The following NUMB variants were observed in gnomAD, a reference collection of about 807,000 sequenced individuals.
The protein encoded by NUMB is protein numb homolog.
NUMB carries 29 observed loss-of-function variants against 59.7 expected under a neutral mutation model. The ratio of observed to expected loss-of-function variants is 0.49; its 90% confidence interval spans 0.36 to 0.66. The LOEUF is 0.66. NUMB is among the 30% of genes least tolerant of loss of function. The probability of loss-of-function intolerance (pLI) is 0.00; values close to 1 mark genes in which losing one functional copy is unlikely to be tolerated. For synonymous variants in NUMB, 288 were observed against 288.2 expected, an observed-to-expected ratio of 1.00 and a Z score of 0.01; for missense variants, 723 against 822.0, an observed-to-expected ratio of 0.88 and a Z score of 1.47.
intron 1 of NUMB, among the ~76,000 whole-genome samples, chr14:73,413,477 G>A (rs1896985148): frequency 6.6e-6 from 1 of 151,734 alleles, no homozygotes; most frequent in Non-Finnish European, 1.5e-5. Flanking sequence ...AAAAAATAAG[G>A]CGGGGCATGG....
intron 4 of NUMB, among the ~76,000 whole-genome samples, chr14:73,352,990 T>C (rs1893504602): frequency 6.6e-6 from 1 of 150,712 alleles, no homozygotes; most frequent in Non-Finnish European, 1.5e-5. Context: ...AAAATATTTA[T>C]TAAATACATA....
intron 2 of NUMB, among the ~76,000 whole-genome samples, chr14:73,407,099 T>A (rs1163402430): frequency 6.6e-6 from 1 of 151,372 alleles, no homozygotes; most frequent in African/African-American, 2.4e-5. Context: ...CACCTGGGCC[T>A]CCCAAGGTGC....
chr14:73,440,262 T>C (rs955170182), intron 1 of NUMB, among the ~76,000 whole-genome samples: 6 of 151,260 alleles, frequency 4.0e-5, no homozygotes, highest in Admixed American at 3.3e-4. Flanking sequence ...CATATATCTA[T>C]AGATATCCAT....
At chr14:73,451,381 G>A (rs1883959610) in intron 1 of NUMB, among the ~76,000 whole-genome samples, 1 of 149,504 alleles carries the variant, frequency 6.7e-6, no homozygotes, top group Non-Finnish European at 1.5e-5. Flanking sequence ...AGGTTGCAGT[G>A]AGCCAAGATT....
At chr14:73,353,217 T>A (rs1195754591) in intron 4 of NUMB, among the ~76,000 whole-genome samples, 3 of 150,956 alleles carry the variant, frequency 2.0e-5, no homozygotes, top group Non-Finnish European at 4.4e-5. Context: ...CCTGAGTAGC[T>A]GGGATTACAG....
chr14:73,320,645 G>A (rs960955355), intron 5 of NUMB, among the ~76,000 whole-genome samples: 3 of 152,164 alleles, frequency 2.0e-5, no homozygotes, highest in African/African-American at 7.2e-5. Context: ...TATGGTTATT[G>A]TAAGACTCAA....
intron 2 of NUMB, among the ~76,000 whole-genome samples, chr14:73,404,648 T>C (rs948128231): frequency 3.3e-5 from 5 of 152,196 alleles, no homozygotes; most frequent in Non-Finnish European, 7.4e-5. Flanking sequence ...TAATAAAAAG[T>C]TGGTGTTAAT....
At chr14:73,357,582 G>C (rs1159030982) in intron 3 of NUMB, among the ~76,000 whole-genome samples, 1 of 151,456 alleles carries the variant, frequency 6.6e-6, no homozygotes, top group Admixed American at 6.6e-5. Context: ...GGCCAACATG[G>C]TAAAACCCCG....
intron 1 of NUMB, chr14:73,457,912 G>GC: frequency 6.5e-6 from 1 of 152,732 alleles, no homozygotes; most frequent in South Asian, 2.1e-4. Context: ...CCTACTTGGA[G>GC]CAAGTCTGCT....
intron 2 of NUMB, among the ~76,000 whole-genome samples, chr14:73,381,876 G>C (rs1278028922): frequency 6.6e-6 from 1 of 151,748 alleles, no homozygotes; most frequent in Non-Finnish European, 1.5e-5. Context: ...GAGAAGACAG[G>C]CCAAAATACC....
chr14:73,421,343 C>G (rs988794674), intron 1 of NUMB, among the ~76,000 whole-genome samples: 1 of 151,986 alleles, frequency 6.6e-6, no homozygotes, highest in African/African-American at 2.4e-5. Context: ...CACCACTGCG[C>G]CCAGCTAATT....
At chr14:73,283,449 T>G (rs973893251) in intron 10 of NUMB, among the ~76,000 whole-genome samples, 4 of 152,318 alleles carry the variant, frequency 2.6e-5, no homozygotes, top group African/African-American at 9.6e-5. Flanking sequence ...ACTGACCAGA[T>G]CTAATACTTT....
At chr14:73,369,897 A>G (rs1054876859) in intron 2 of NUMB, among the ~76,000 whole-genome samples, 1 of 152,136 alleles carries the variant, frequency 6.6e-6, no homozygotes, top group Non-Finnish European at 1.5e-5. Context: ...CTGTTCCCCT[A>G]CCAAAGATAC....
intron 4 of NUMB, among the ~76,000 whole-genome samples, chr14:73,326,715 AC>A (rs1214202302): frequency 6.7e-6 from 1 of 150,106 alleles, no homozygotes; most frequent in Admixed American, 6.6e-5. Flanking sequence ...GTAGCCTGAG[AC>A]CTAACTGGAC....
chr14:73,288,749 C>T (rs1889186585), intron 8 of NUMB, among the ~76,000 whole-genome samples: 1 of 151,786 alleles, frequency 6.6e-6, no homozygotes, highest in African/African-American at 2.4e-5. Context: ...ATCCCAGCTA[C>T]TCGGGAGGCT....
intron 3 of NUMB, among the ~76,000 whole-genome samples, chr14:73,363,968 A>C (rs549234609): frequency 6.6e-6 from 1 of 152,304 alleles, no homozygotes; most frequent in Admixed American, 6.5e-5. Flanking sequence ...ACAAATTAAT[A>C]AACTAAATCC....
intron 2 of NUMB, among the ~76,000 whole-genome samples, chr14:73,406,057 T>C (rs913842827): frequency 5.9e-5 from 9 of 151,306 alleles, no homozygotes; most frequent in Admixed American, 5.9e-4. Flanking sequence ...AAAACAAAAA[T>C]ACCAATATTC....
chr14:73,443,944 TC>T (rs113571616), intron 1 of NUMB, among the ~76,000 whole-genome samples: 45,551 of 150,700 alleles, frequency 0.3, 8,006 homozygotes, highest in African/African-American at 0.48. Flanking sequence ...TCTCACTCTG[TC>T]CCCCCACGCA....
At chr14:73,333,511 C>A (rs1157050444) in intron 4 of NUMB, among the ~76,000 whole-genome samples, 1 of 152,030 alleles carries the variant, frequency 6.6e-6, no homozygotes, top group African/African-American at 2.4e-5. Flanking sequence ...GGATTACAGG[C>A]ATGAGCCACT....
Sources: allele counts gnomAD v4.1 joint callset (sites outside exome capture counted in the v4.1 genomes callset), GRCh38; gene constraint gnomAD v4.1.1; transcripts MANE v1.5; gene names NCBI Gene and HGNC (gene_info 2026-07-23, HGNC 2026-07-21).